Variants in CDH11 observed in about 807,000 individuals in gnomAD.
CDH11 encodes cadherin-11.
In CDH11, 11 loss-of-function variants were observed where a neutral mutation model predicts 67.8. That is an observed-to-expected ratio of 0.16 (90% confidence interval 0.10 to 0.27). The LOEUF (loss-of-function observed/expected upper bound fraction) is 0.27. Among genes scored for constraint, CDH11 ranks in the 10% least tolerant of loss-of-function variants. CDH11 has a pLI of 1.00. For synonymous variants in CDH11, 419 were observed against 400.0 expected (o/e 1.05, Z -0.57); for missense variants, 847 against 1,031.2 (o/e 0.82, Z 2.45).
intron 2 of CDH11, among the ~76,000 whole-genome samples, chr16:65,006,165 C>T (rs2073050036): frequency 6.6e-6 from 1 of 152,124 alleles, no homozygotes; most frequent in African/African-American, 2.4e-5. Flanking sequence ...TCTGGAGTGC[C>T]ACCCAGACTC....
chr16:65,031,260 C>T (rs992428707), intron 2 of CDH11, among the ~76,000 whole-genome samples: 4 of 152,138 alleles, frequency 2.6e-5, no homozygotes, highest in South Asian at 2.1e-4. Flanking sequence ...GGCAGAAGCC[C>T]GGTGGTGTAT....
intron 2 of CDH11, among the ~76,000 whole-genome samples, chr16:65,027,561 C>T (rs540669802): frequency 5.9e-5 from 9 of 152,326 alleles, no homozygotes; most frequent in Admixed American, 3.3e-4. Flanking sequence ...AACTAAGGAG[C>T]AGATGAAGAC....
chr16:65,023,437 G>A (rs2073467622), intron 2 of CDH11, among the ~76,000 whole-genome samples: 1 of 152,156 alleles, frequency 6.6e-6, no homozygotes, highest in African/African-American at 2.4e-5. Flanking sequence ...CCAAAATTGA[G>A]GTTCAGCCCG....
chr16:65,067,409 A>T (rs1291510791), intron 1 of CDH11, among the ~76,000 whole-genome samples: 1 of 152,184 alleles, frequency 6.6e-6, no homozygotes, highest in Non-Finnish European at 1.5e-5. Context: ...AGAGGTATTA[A>T]AATAGTAGCG....
intron 1 of CDH11, chr16:65,119,194 G>C (rs907783077): frequency 6.6e-6 from 1 of 152,092 alleles, no homozygotes; most frequent in African/African-American, 2.4e-5. Context: ...CATGAATTAT[G>C]AAGACAAGTG....
At chr16:65,023,178 A>G (rs1156737648) in intron 2 of CDH11, among the ~76,000 whole-genome samples, 1 of 152,194 alleles carries the variant, frequency 6.6e-6, no homozygotes, top group African/African-American at 2.4e-5. Flanking sequence ...AAAATGGGAG[A>G]CTGCATCAGG....
intron 11 of CDH11, among the ~76,000 whole-genome samples, chr16:64,954,703 T>C (rs2071457356): frequency 6.6e-6 from 1 of 152,142 alleles, no homozygotes; most frequent in Non-Finnish European, 1.5e-5. Context: ...TCCAGGTTGT[T>C]CCAGGACCAA....
chr16:64,948,645 G>A (rs778045035), intron 12 of CDH11: 2 of 1,612,080 alleles, frequency 1.2e-6, no homozygotes, highest in Non-Finnish European at 1.7e-6. Context: ...CCACCACATA[G>A]AGGAAAGGAA....
chr16:64,991,922 T>G lies in CDH11; in HGVS notation c.657A>C (p.Thr219=), dbSNP rs2072638009. 1 of 1,609,128 alleles carries G rather than the reference T, an allele frequency of 6.2e-7. No homozygotes were observed. Among genetic ancestry groups the G allele is most frequent in the African/African-American group, 1.3e-5 (1 of 74,832 alleles). Residue 219 remains threonine (T), a synonymous_variant, in exon 6 of 13, where the codon ACA becomes ACC. Coordinates refer to ENST00000268603, the MANE Select transcript of CDH11 (RefSeq NM_001797.4). ...CCTCCCTGTCCATGTTGGGTAGGGC[T>G]GTTCTGATGATACCTGGACAGGTAA... ...SVEAQTGIIR[T]ALPNMDREAK...
chr16:65,031,529 A>T (rs1426967420), intron 2 of CDH11, among the ~76,000 whole-genome samples: 1 of 152,214 alleles, frequency 6.6e-6, no homozygotes, highest in Non-Finnish European at 1.5e-5. Flanking sequence ...TACATAAGTC[A>T]AATGCTCAAG....
rs370243280 is a variant in CDH11 at position 64,972,058 on chromosome 16, C to T, written c.1397G>A (p.Arg466Gln). ...CACTGGGACTTTGGCTTCCTGATGC[C>T]GATTGTCTGGGAAGACAGAATGCAG... ...ITVFAAEIHN[R>Q]HQEAKVPVAI... The change falls in exon 10 of 13, where the codon CGG becomes CAG. Residue 466 changes from arginine to glutamine, a missense_variant. This residue lies in a region of CDH11 where 612 missense variants were observed against 678.7 expected (regional missense o/e 0.90). Coordinates refer to ENST00000268603, the MANE Select transcript of CDH11 (RefSeq NM_001797.4). The T allele has an allele frequency of 1.7e-5, 27 of 1,613,282 alleles. No individual in the cohort carries two copies. The East Asian group carries it at 1.8e-4, about 11-fold the overall frequency.
At chr16:65,014,749 A>C (rs1477768773) in intron 2 of CDH11, among the ~76,000 whole-genome samples, 1 of 152,172 alleles carries the variant, frequency 6.6e-6, no homozygotes, top group Non-Finnish European at 1.5e-5. Flanking sequence ...TGAAAAGATT[A>C]GGTTAGAGAA....
chr16:65,015,987 G>A (rs1374242891), intron 2 of CDH11, among the ~76,000 whole-genome samples: 2 of 152,180 alleles, frequency 1.3e-5, no homozygotes, highest in African/African-American at 4.8e-5. Flanking sequence ...GTATGTGGAT[G>A]GAAGCCACTG....
intron 11 of CDH11, chr16:64,968,284 G>A: frequency 3.5e-6 from 1 of 289,068 alleles, no homozygotes. Flanking sequence ...ACAATGACAT[G>A]AGAAGGTTTT....
intron 6 of CDH11, 78 bp downstream of exon 6, chr16:64,991,690 A>G (rs1567513427): frequency 1.9e-6 from 2 of 1,043,994 alleles, no homozygotes; most frequent in Non-Finnish European, 1.4e-6. Flanking sequence ...ATACCTCAGT[A>G]AAGCAGGAAT....
rs1177559829 is a variant in CDH11 at position 64,973,027 on chromosome 16, G to A, written c.1267C>T (p.Arg423Cys). 2 of 1,613,398 alleles carry A rather than the reference G, an allele frequency of 1.2e-6. No homozygotes were observed. The highest frequency in any genetic ancestry group is 8.5e-7 in the Non-Finnish European group (1 of 1,179,676). Reference sequence around the variant, plus strand: ...AAAAATCTGTCGAGGTCAGTGTGACGATCGATGGAATACCTAAGCAGAATG... The same window carrying A: ...AAAAATCTGTCGAGGTCAGTGTGACAATCGATGGAATACCTAAGCAGAATG... ...ANSPIRYSIDRHTDLDRFFTI... is the reference protein window; with the variant it reads ...ANSPIRYSIDCHTDLDRFFTI... The change falls in exon 9 of 13, where the codon CGT (arginine) becomes TGT (cysteine). Residue 423 changes from arginine to cysteine, a missense_variant. Physicochemically the swap from Arg to Cys is radical, Grantham distance 180. This residue lies in a region of CDH11 where 612 missense variants were observed against 678.7 expected (regional missense o/e 0.90). Transcript: ENST00000268603.
intron 2 of CDH11, among the ~76,000 whole-genome samples, chr16:65,020,064 T>A (rs533847287): frequency 1.5e-4 from 23 of 152,330 alleles, no homozygotes; most frequent in South Asian, 4.1e-4. Flanking sequence ...TGGTAAGTTA[T>A]GTTAATTATG....
intron 7 of CDH11, chr16:64,983,026 G>T (rs2072394084): frequency 6.6e-6 from 1 of 151,988 alleles, no homozygotes; most frequent in African/African-American, 2.4e-5. Flanking sequence ...TACAACTCTA[G>T]CTAGAATGTA....
At chr16:64,969,558 A>G (rs1435348138) in intron 11 of CDH11, among the ~76,000 whole-genome samples, 1 of 152,240 alleles carries the variant, frequency 6.6e-6, no homozygotes, top group Non-Finnish European at 1.5e-5. Context: ...CCATTATGCA[A>G]TATATTGTTA....
Sources: allele counts gnomAD v4.1 joint callset (sites outside exome capture counted in the v4.1 genomes callset), GRCh38; gene constraint gnomAD v4.1.1; regional missense constraint gnomAD v4.1.1; transcripts MANE v1.5; gene names NCBI Gene and HGNC (gene_info 2026-07-23, HGNC 2026-07-21).